DMD: variants seen among roughly 807,000 people sequenced by gnomAD.
DMD encodes the protein mutant dystrophin.
Under a neutral mutation model 330.1 loss-of-function variants are expected in DMD, and 63 were observed. The observed-to-expected ratio is 0.19, with a 90% CI of 0.16 to 0.24. The LOEUF is 0.24. Among genes scored for constraint, DMD ranks in the 10% least tolerant of loss-of-function variants. The pLI is 1.00. For missense variants in DMD, 3,344 were observed against 2,684.1 expected (o/e 1.25, Z -5.43); for synonymous variants, 1,223 against 959.8 (o/e 1.27, Z -5.07).
intron 55 of DMD, among the ~76,000 whole-genome samples, chrX:31,565,307 T>C (rs1249940603): frequency 9.0e-6 from 1 of 111,293 alleles, no homozygotes; most frequent in Non-Finnish European, 1.9e-5. Flanking sequence ...TCCCCTGTTG[T>C]CCCGGACTCC....
intron 60 of DMD, among the ~76,000 whole-genome samples, chrX:31,421,906 CACACACACATATAT>C (rs2063394794): frequency 1.6e-5 from 1 of 63,028 alleles, no homozygotes; most frequent in African/African-American, 1.2e-4. Context: ...TATATACACA[CACACACACATATAT>C]ATATATATAT....
At chrX:32,420,150 A>G (rs1381974024) in intron 29 of DMD, among the ~76,000 whole-genome samples, 2 of 111,965 alleles carry the variant, frequency 1.8e-5, no homozygotes, top group African/African-American at 6.5e-5. Context: ...TTCCGGCCCA[A>G]TGGCGAGGTA....
rs1477595689 is a variant in DMD, at chrX:32,558,094, T to G, written c.1992+7608A>C. ...TTGTTTCTTCGAAATAAATATTATA[T>G]GATAATTAAGAAGGTTTATTCTGTA... On this transcript the variant is annotated intron_variant, in intron 16 of 78. Transcript: ENST00000357033. 3.6e-5 allele frequency among the ~76,000 whole-genome samples: 4 copies of G among 111,290 alleles called. No individual in the cohort carries two copies. The East Asian group carries it at 1.1e-3, about 31-fold the overall frequency.
At chrX:33,163,056 T>A (rs73190232) in intron 1 of DMD, among the ~76,000 whole-genome samples, 5,604 of 111,585 alleles carry the variant, frequency 0.05, 162 homozygotes, top group Middle Eastern at 0.13. Flanking sequence ...AATAATAGAC[T>A]GCTATCCTGC....
At chrX:31,273,304 T>C (rs188573688) in intron 62 of DMD, among the ~76,000 whole-genome samples, 2 of 112,393 alleles carry the variant, frequency 1.8e-5, no homozygotes, top group African/African-American at 3.2e-5. Flanking sequence ...CCTGTCACTT[T>C]TCTTGAAACA....
At chrX:33,067,984 C>A (rs2094691371) in intron 1 of DMD, among the ~76,000 whole-genome samples, 1 of 111,799 alleles carries the variant, frequency 8.9e-6, no homozygotes, top group African/African-American at 3.3e-5. Context: ...AACAAAATAA[C>A]AACAATAGTG....
intron 7 of DMD, among the ~76,000 whole-genome samples, chrX:32,702,201 G>A (rs1479280124): frequency 2.7e-5 from 3 of 112,211 alleles, no homozygotes; most frequent in African/African-American, 9.7e-5. Context: ...CAAAGTAATT[G>A]CATTGCTGAA....
intron 1 of DMD, among the ~76,000 whole-genome samples, chrX:33,338,242 C>T (rs955170159): frequency 1.8e-5 from 2 of 110,835 alleles, no homozygotes. Context: ...GTTATAGAAA[C>T]GATGCATAGT....
At chrX:32,420,539 G>T (rs1009331197) in intron 29 of DMD, among the ~76,000 whole-genome samples, 4 of 111,934 alleles carry the variant, frequency 3.6e-5, no homozygotes, top group African/African-American at 1.3e-4. Flanking sequence ...GAGCAAACTA[G>T]TCCTTACAAT....
rs372484224 is a variant in DMD at position 32,768,635 on chromosome X, C to CCTT, written c.649+40855_649+40857dup. Among the ~76,000 whole-genome samples the CCTT allele has an allele frequency of 5.9e-4, 66 of 111,954 alleles. 1 individual carries two copies. The highest frequency in any genetic ancestry group is 2.0e-3 in the African/African-American group (63 of 30,888). The stretch of plus-strand genomic sequence containing the variant: ...AGGTTCCATTAAATTTACTGACATT[C>CCTT]CTTCATTTTAGAAATTATAATCCCA... On this transcript the variant is annotated intron_variant, in intron 7 of 78. Transcript: ENST00000357033.
intron 48 of DMD, among the ~76,000 whole-genome samples, chrX:31,855,505 A>T (rs2093599958): frequency 8.9e-6 from 1 of 112,415 alleles, no homozygotes; most frequent in African/African-American, 3.2e-5. Flanking sequence ...TTTTAAAGAT[A>T]AAACAGCCAT....
chrX:31,157,832 C>T (rs914513672), intron 74 of DMD, among the ~76,000 whole-genome samples: 5 of 106,836 alleles, frequency 4.7e-5, no homozygotes, highest in African/African-American at 1.7e-4. Flanking sequence ...GAGACAGGGC[C>T]TTGCTCTGTC....
intron 9 of DMD, among the ~76,000 whole-genome samples, chrX:32,680,008 G>T (rs1185424277): frequency 5.1e-5 from 5 of 98,514 alleles, no homozygotes; most frequent in African/African-American, 1.5e-4. Context: ...TCCGCCTCTG[G>T]GGTTCAAGCG....
At chrX:32,857,503 C>G (rs2081674285) in intron 2 of DMD, among the ~76,000 whole-genome samples, 1 of 111,969 alleles carries the variant, frequency 8.9e-6, no homozygotes, top group African/African-American at 3.3e-5. Flanking sequence ...TCACACTTAT[C>G]TGAGCAAAGC....
intron 7 of DMD, among the ~76,000 whole-genome samples, chrX:32,738,083 C>T (rs1046659397): frequency 9.0e-6 from 1 of 111,388 alleles, no homozygotes; most frequent in Non-Finnish European, 1.9e-5. Context: ...GAGACTAGAG[C>T]TCAAGTGAAA....
chrX:32,233,599 T>TTTTATTTATTTATTTA (rs767364915), intron 43 of DMD, among the ~76,000 whole-genome samples: 3 of 87,960 alleles, frequency 3.4e-5, no homozygotes, highest in Non-Finnish European at 4.5e-5. Flanking sequence ...TTTCTTTTTC[T>TTTTATTTATTTATTTA]TTTATTTATT....
At chrX:31,370,553 G>C (rs2059501596) in intron 60 of DMD, among the ~76,000 whole-genome samples, 1 of 112,422 alleles carries the variant, frequency 8.9e-6, no homozygotes, top group Admixed American at 9.4e-5. Flanking sequence ...TGTTGGTGAA[G>C]ATGCAGAGAA....
intron 9 of DMD, among the ~76,000 whole-genome samples, chrX:32,666,370 C>T (rs2061305303): frequency 9.1e-6 from 1 of 110,266 alleles, no homozygotes; most frequent in South Asian, 3.9e-4. Context: ...CCTCCACTCC[C>T]AGACAGGCGA....
intron 48 of DMD, among the ~76,000 whole-genome samples, chrX:31,855,519 G>C (rs1328418058): frequency 3.6e-5 from 4 of 111,703 alleles, no homozygotes; most frequent in Non-Finnish European, 7.5e-5. Flanking sequence ...CAGCCATTAG[G>C]CTAATTTTCA....
Sources: gnomAD v4.1 joint callset for allele counts (sites outside exome capture counted in the v4.1 genomes callset) on GRCh38, gnomAD v4.1.1 for gene constraint, MANE v1.5 for transcripts, NCBI Gene and HGNC (gene_info 2026-07-23, HGNC 2026-07-21) for gene names.